The following DENND1A variants were observed in gnomAD, a reference collection of about 807,000 sequenced individuals.
The protein encoded by DENND1A is DENN domain containing 1A.
A neutral mutation model predicts 113.7 loss-of-function variants in DENND1A; 51 were observed. That is an observed-to-expected ratio of 0.45 (90% CI 0.36 to 0.57). The LOEUF (loss-of-function observed/expected upper bound fraction) is 0.57, where lower values mean the gene tolerates loss of function less well. Ranked by LOEUF, DENND1A falls within the 20% of genes least tolerant of loss-of-function variation. The pLI is 0.00. For missense variants in DENND1A, 1,258 were observed against 1,395.9 expected (o/e 0.90, Z 1.57); for synonymous variants, 565 against 570.8 (o/e 0.99, Z 0.14).
chr9:123,558,549 C>T (rs2057557421), intron 12 of DENND1A, among the ~76,000 whole-genome samples: 1 of 152,080 alleles, frequency 6.6e-6, no homozygotes, highest in African/African-American at 2.4e-5. Flanking sequence ...TAAAAGCCTC[C>T]TAGTAGCCAA....
intron 10 of DENND1A, among the ~76,000 whole-genome samples, chr9:123,624,039 T>C (rs1017410415): frequency 9.9e-5 from 15 of 152,238 alleles, no homozygotes; most frequent in Non-Finnish European, 2.2e-4. Context: ...TGAAGTCTAT[T>C]ATGCATAGAA....
At chr9:123,918,085 G>A (rs1855509492) in intron 1 of DENND1A, among the ~76,000 whole-genome samples, 1 of 151,290 alleles carries the variant, frequency 6.6e-6, no homozygotes, top group African/African-American at 2.4e-5. Flanking sequence ...CTGCACTCCA[G>A]CCTGGTCAAC....
In DENND1A at chr9:123,464,871, G is replaced by A. The variant is rs190641743; in HGVS notation, c.994-6974C>T. ...TCCATAATAAAAAGTTAAAAAGGCC[G>A]GGCACAATGGCTCATGCCTGTAATC... is the stretch of plus-strand genomic sequence containing the variant. On this transcript the variant is annotated intron_variant, in intron 13 of 23. Coordinates refer to ENST00000394215, the MANE Select transcript of DENND1A (RefSeq NM_001352964.2). Among the ~76,000 whole-genome samples, 3 of 151,680 alleles carry A rather than the reference G, an allele frequency of 2.0e-5. No homozygotes were observed. In the East Asian group the frequency reaches 5.8e-4, roughly 29 times the overall value.
intron 6 of DENND1A, among the ~76,000 whole-genome samples, chr9:123,672,673 G>A (rs908572890): frequency 2.0e-5 from 3 of 152,124 alleles, no homozygotes. Flanking sequence ...GGATAAATTT[G>A]GCCCCTAACT....
chr9:123,539,464 A>T (rs1299984114), intron 13 of DENND1A, among the ~76,000 whole-genome samples: 1 of 150,892 alleles, frequency 6.6e-6, no homozygotes, highest in Non-Finnish European at 1.5e-5. Context: ...TAATAAAACT[A>T]TTTTTTTTTA....
intron 7 of DENND1A, among the ~76,000 whole-genome samples, chr9:123,670,378 C>A (rs559334682): frequency 6.6e-6 from 1 of 152,156 alleles, no homozygotes; most frequent in African/African-American, 2.4e-5. Context: ...AAGGTGGTGA[C>A]AAGGGCTTGA....
chr9:123,592,978 ATT>A (rs1184884355), intron 11 of DENND1A, among the ~76,000 whole-genome samples: 1 of 152,256 alleles, frequency 6.6e-6, no homozygotes, highest in Non-Finnish European at 1.5e-5. Context: ...ATTAGTTATT[ATT>A]ATAAAAAATC....
At chr9:123,429,653 G>C (rs2045991585) in intron 19 of DENND1A, among the ~76,000 whole-genome samples, 1 of 152,138 alleles carries the variant, frequency 6.6e-6, no homozygotes, top group Admixed American at 6.6e-5. Context: ...GCAGAAAATT[G>C]AAAGTAGACC....
At chr9:123,746,274 T>C (rs1357206896) in intron 5 of DENND1A, among the ~76,000 whole-genome samples, 1 of 152,226 alleles carries the variant, frequency 6.6e-6, no homozygotes, top group Non-Finnish European at 1.5e-5. Flanking sequence ...ATTTAATCTT[T>C]AGAACAATAT....
At chr9:123,471,796 G>A (rs1448516889) in intron 13 of DENND1A, among the ~76,000 whole-genome samples, 1 of 152,190 alleles carries the variant, frequency 6.6e-6, no homozygotes, top group Non-Finnish European at 1.5e-5. Flanking sequence ...ACACCCCCGA[G>A]CTCTGAGCAC....
At chr9:123,386,012 T>G (rs1280459847) in intron 22 of DENND1A, among the ~76,000 whole-genome samples, 1 of 152,314 alleles carries the variant, frequency 6.6e-6, no homozygotes, top group East Asian at 1.9e-4. Context: ...GGTCATGGGC[T>G]AAGGAAGCGA....
intron 19 of DENND1A, among the ~76,000 whole-genome samples, chr9:123,416,703 G>T (rs1448303506): frequency 6.6e-6 from 1 of 152,242 alleles, no homozygotes; most frequent in Non-Finnish European, 1.5e-5. Context: ...GGCGAAGCGG[G>T]GAGAAGGCCG....
chr9:123,601,143 G>C (rs971381188), intron 11 of DENND1A, among the ~76,000 whole-genome samples: 3 of 152,014 alleles, frequency 2.0e-5, no homozygotes, highest in Non-Finnish European at 4.4e-5. Flanking sequence ...TTTTTTACTG[G>C]GATTCTCCTC....
intron 9 of DENND1A, among the ~76,000 whole-genome samples, chr9:123,646,080 G>T (rs2062306952): frequency 6.6e-6 from 1 of 152,178 alleles, no homozygotes; most frequent in Non-Finnish European, 1.5e-5. Flanking sequence ...AGTAGGGTAG[G>T]CCCTTAATAA....
At chr9:123,653,602 T>A (rs2062776433) in intron 8 of DENND1A, among the ~76,000 whole-genome samples, 2 of 152,240 alleles carry the variant, frequency 1.3e-5, no homozygotes, top group Admixed American at 6.5e-5. Flanking sequence ...TTGTGTAATT[T>A]GACAAAGGTC....
intron 10 of DENND1A, among the ~76,000 whole-genome samples, chr9:123,625,189 A>G (rs12351438): frequency 0.05 from 7,682 of 152,296 alleles, 240 homozygotes; most frequent in South Asian, 0.083. Context: ...CGTCTGTATC[A>G]GGAAAAGTTA....
chr9:123,461,501 G>A (rs977822757), intron 13 of DENND1A, among the ~76,000 whole-genome samples: 12 of 152,226 alleles, frequency 7.9e-5, no homozygotes, highest in South Asian at 2.1e-4. Flanking sequence ...TGGCACCCAT[G>A]CACAGGGAGT....
chr9:123,758,161 A>T (rs1201188560), intron 4 of DENND1A, among the ~76,000 whole-genome samples: 1 of 152,210 alleles, frequency 6.6e-6, no homozygotes, highest in African/African-American at 2.4e-5. Context: ...GAAATAGTCT[A>T]GAGAGGCATT....
intron 2 of DENND1A, among the ~76,000 whole-genome samples, chr9:123,812,147 C>G (rs550770077): frequency 6.6e-6 from 1 of 152,034 alleles, no homozygotes; most frequent in African/African-American, 2.4e-5. Flanking sequence ...TACTGTTGTA[C>G]GTTTAATATA....
Sources: gnomAD v4.1 joint callset for allele counts (sites outside exome capture counted in the v4.1 genomes callset) on GRCh38, gnomAD v4.1.1 for gene constraint, MANE v1.5 for transcripts, NCBI Gene and HGNC (gene_info 2026-07-23, HGNC 2026-07-21) for gene names.